The following RETREG1 variants were observed in gnomAD, a reference collection of about 807,000 sequenced individuals.
RETREG1 encodes reticulophagy regulator 1.
Under a neutral mutation model 54.8 loss-of-function variants are expected in RETREG1, and 44 were observed. That is an observed-to-expected ratio of 0.80 (90% confidence interval 0.63 to 1.03). RETREG1 has a LOEUF of 1.03. RETREG1 is among the 50% of genes least tolerant of loss of function. The probability of loss-of-function intolerance (pLI) is 0.00; values close to 1 mark genes in which losing one functional copy is unlikely to be tolerated. For missense variants in RETREG1, 554 were observed against 605.1 expected (o/e 0.92, Z 0.89); for synonymous variants, 217 against 238.5 (o/e 0.91, Z 0.83).
chr5:16,607,867 C>G (rs892103865), intron 1 of RETREG1, among the ~76,000 whole-genome samples: 1 of 150,724 alleles, frequency 6.6e-6, no homozygotes, highest in Non-Finnish European at 1.5e-5. Flanking sequence ...CCCCTCCACT[C>G]TCACTGTTTT....
intron 2 of RETREG1, among the ~76,000 whole-genome samples, chr5:16,569,279 ATTTC>A (rs1271363605): frequency 6.8e-6 from 1 of 147,044 alleles, no homozygotes; most frequent in Admixed American, 6.8e-5. Flanking sequence ...AATCATTCCC[ATTTC>A]TTTCTTTTTT....
chr5:16,490,870 A>G (rs1379372774), intron 3 of RETREG1, among the ~76,000 whole-genome samples: 1 of 152,254 alleles, frequency 6.6e-6, no homozygotes, highest in African/African-American at 2.4e-5. Context: ...CTAAATGCCA[A>G]GCTACACAAA....
At chr5:16,590,058 G>A (rs779483652) in intron 1 of RETREG1, among the ~76,000 whole-genome samples, 2 of 152,202 alleles carry the variant, frequency 1.3e-5, no homozygotes, top group East Asian at 1.9e-4. Context: ...CCTCATGGAC[G>A]CCATTCCTCT....
At chr5:16,579,442 A>G (rs1351077698) in intron 1 of RETREG1, among the ~76,000 whole-genome samples, 5 of 152,226 alleles carry the variant, frequency 3.3e-5, no homozygotes, top group Non-Finnish European at 5.9e-5. Flanking sequence ...ACATGAAAAG[A>G]GCTGGAAGGA....
chr5:16,592,341 C>T (rs914291471), intron 1 of RETREG1, among the ~76,000 whole-genome samples: 1 of 152,108 alleles, frequency 6.6e-6, no homozygotes, highest in Non-Finnish European at 1.5e-5. Context: ...CAAATCAAAA[C>T]CACCATGAGA....
intron 5 of RETREG1, among the ~76,000 whole-genome samples, chr5:16,480,661 T>C (rs1478409): frequency 0.22 from 33,139 of 152,024 alleles, 3,715 homozygotes; most frequent in South Asian, 0.34. Context: ...TGCAATGGTA[T>C]TTCATTGTGG....
At chr5:16,609,113 C>T (rs1424177760) in intron 1 of RETREG1, among the ~76,000 whole-genome samples, 1 of 152,206 alleles carries the variant, frequency 6.6e-6, no homozygotes, top group Non-Finnish European at 1.5e-5. Context: ...ACATGCTCAA[C>T]AGCCACAGGA....
intron 1 of RETREG1, among the ~76,000 whole-genome samples, chr5:16,606,206 G>A (rs749819863): frequency 2.0e-5 from 3 of 152,170 alleles, no homozygotes; most frequent in Non-Finnish European, 2.9e-5. Flanking sequence ...AGGCCAGGAA[G>A]GAGCAATTGC....
chr5:16,523,417 G>A (rs953338484), intron 3 of RETREG1, among the ~76,000 whole-genome samples: 11 of 151,988 alleles, frequency 7.2e-5, no homozygotes, highest in African/African-American at 1.7e-4. Flanking sequence ...GTAGAGATGC[G>A]TCAGTTTGGA....
chr5:16,508,442 C>G (rs548916114), intron 3 of RETREG1: 1 of 868,728 alleles, frequency 1.2e-6, no homozygotes, highest in Non-Finnish European at 1.8e-6. Flanking sequence ...AATTATGTTT[C>G]CTGGAATTAA....
intron 1 of RETREG1, among the ~76,000 whole-genome samples, chr5:16,587,499 C>T (rs972843662): frequency 1.3e-5 from 2 of 152,126 alleles, no homozygotes; most frequent in African/African-American, 4.8e-5. Context: ...CTCAATGTAC[C>T]AGACTGTTCC....
intron 3 of RETREG1, among the ~76,000 whole-genome samples, chr5:16,506,946 T>C (rs372749753): frequency 5.9e-5 from 9 of 152,200 alleles, no homozygotes; most frequent in African/African-American, 1.9e-4. Context: ...TTGGTAATAA[T>C]AATCATTATA....
At chr5:16,551,163 A>G (rs961587102) in intron 3 of RETREG1, among the ~76,000 whole-genome samples, 4 of 152,036 alleles carry the variant, frequency 2.6e-5, no homozygotes, top group Non-Finnish European at 4.4e-5. Context: ...TTCTCCATTC[A>G]TTTACCAGCA....
chr5:16,609,835 C>T (rs1342747025), intron 1 of RETREG1, among the ~76,000 whole-genome samples: 1 of 152,202 alleles, frequency 6.6e-6, no homozygotes, highest in East Asian at 1.9e-4. Flanking sequence ...AAAACACTGA[C>T]CAGTGAGTGC....
At chr5:16,595,010 G>C (rs1742860220) in intron 1 of RETREG1, among the ~76,000 whole-genome samples, 1 of 152,182 alleles carries the variant, frequency 6.6e-6, no homozygotes, top group South Asian at 2.1e-4. Context: ...AGTTGCAAGA[G>C]AGTTTCATAT....
At chr5:16,552,162 T>C (rs2126616875) in intron 3 of RETREG1, among the ~76,000 whole-genome samples, 1 of 152,308 alleles carries the variant, frequency 6.6e-6, no homozygotes, top group East Asian at 1.9e-4. Flanking sequence ...AAACACACAA[T>C]GGTGTGGAAG....
chr5:16,542,820 C>T (rs544548928), intron 3 of RETREG1, among the ~76,000 whole-genome samples: 22 of 152,286 alleles, frequency 1.4e-4, no homozygotes, highest in African/African-American at 4.6e-4. Flanking sequence ...TAGTGCTCAT[C>T]GCTGGATCTG....
intron 3 of RETREG1, among the ~76,000 whole-genome samples, chr5:16,501,058 G>T (rs1739691348): frequency 6.6e-6 from 1 of 152,076 alleles, no homozygotes; most frequent in South Asian, 2.1e-4. Flanking sequence ...TCCATTCAGT[G>T]TGACCTATTT....
chr5:16,586,319 T>C (rs760093338), intron 1 of RETREG1, among the ~76,000 whole-genome samples: 40 of 152,196 alleles, frequency 2.6e-4, no homozygotes, highest in Non-Finnish European at 2.6e-4. Flanking sequence ...GAATGTGGGA[T>C]CCTAATCACA....
Sources: allele counts gnomAD v4.1 joint callset (sites outside exome capture counted in the v4.1 genomes callset), GRCh38; gene constraint gnomAD v4.1.1; transcripts MANE v1.5; gene names NCBI Gene and HGNC (gene_info 2026-07-23, HGNC 2026-07-21).